UNC80: variants seen among roughly 807,000 people sequenced by gnomAD.
UNC80 encodes the protein unc-80 subunit of NALCN channel complex.
UNC80 carries 164 observed loss-of-function variants against 384.6 expected under a neutral mutation model. That is an observed-to-expected ratio of 0.43 (90% CI 0.38 to 0.49). The LOEUF is 0.49. Among genes scored for constraint, UNC80 ranks in the 20% least tolerant of loss-of-function variants. The pLI is 0.00. For synonymous variants in UNC80, 1,486 were observed against 1,527.8 expected (o/e 0.97, Z 0.64); for missense variants, 3,330 against 4,143.0 (o/e 0.80, Z 5.39).
At chr2:209,956,936 G>A (rs1159554903) in intron 48 of UNC80, among the ~76,000 whole-genome samples, 1 of 152,196 alleles carries the variant, frequency 6.6e-6, no homozygotes, top group Non-Finnish European at 1.5e-5. Context: ...CAGACAGAAA[G>A]TGAGCAACAA....
At chr2:209,893,619 T>G (rs2086553064) in intron 26 of UNC80, among the ~76,000 whole-genome samples, 1 of 152,182 alleles carries the variant, frequency 6.6e-6, no homozygotes, top group South Asian at 2.1e-4. Context: ...TGGAGCCATT[T>G]CACACTCATG....
At chr2:209,814,321 C>A (rs1454645902) in intron 8 of UNC80, among the ~76,000 whole-genome samples, 1 of 151,982 alleles carries the variant, frequency 6.6e-6, no homozygotes, top group African/African-American at 2.4e-5. Context: ...CTGCAAGCTC[C>A]GCCTACCGGG....
chr2:209,987,930 T>C lies in UNC80; in HGVS notation c.9314+3018T>C, dbSNP rs185229683. 6.6e-5 allele frequency among the ~76,000 whole-genome samples: 10 copies of C among 152,212 alleles called. No individual in the cohort carries two copies. The East Asian group carries it at 1.9e-3, about 29-fold the overall frequency. On this transcript the variant is annotated intron_variant, in intron 61 of 64. Transcript: ENST00000673920. ...CTGAGAATTAATGACTAAGAAAATA[T>C]GTTGTGATACACAGATATCTACTTT...
At position 209,819,224 on chromosome 2, in the gene UNC80, A is replaced by G. The variant is rs991294484; in HGVS notation, c.1925A>G (p.Asn642Ser). 4 of 1,551,506 alleles carry G rather than the reference A, an allele frequency of 2.6e-6. No individual in the cohort carries two copies. Among genetic ancestry groups the G allele is most frequent in the African/African-American group, 1.4e-5 (1 of 73,052 alleles). Residue 642 changes from asparagine (N) to serine (S), a missense_variant, in exon 12 of 65, where the codon AAT becomes AGT. Asn to Ser is a conservative substitution (Grantham distance 46). Around this residue, in one of 8 missense-constraint regions of UNC80, gnomAD observed 937 missense variants for 1,026.8 expected, o/e 0.91. Coordinates refer to ENST00000673920, the MANE Select transcript of UNC80 (RefSeq NM_001371986.1). ...GACACAGAACATATTGACGGGACCA[A>G]TAACTTTGTCCACAAGAATGGAATG... ...LEDTEHIDGT[N>S]NFVHKNGMLD...
At chr2:209,858,584 C>A (rs1171887289) in intron 22 of UNC80, among the ~76,000 whole-genome samples, 1 of 151,622 alleles carries the variant, frequency 6.6e-6, no homozygotes, top group African/African-American at 2.4e-5. Flanking sequence ...ATCCCAGCTT[C>A]TTGGGAGGCA....
intron 22 of UNC80, among the ~76,000 whole-genome samples, chr2:209,870,238 C>T (rs2084179006): frequency 6.6e-6 from 1 of 152,130 alleles, no homozygotes. Flanking sequence ...TTTATATTGG[C>T]AATGTGTCAT....
intron 26 of UNC80, among the ~76,000 whole-genome samples, chr2:209,892,067 T>G (rs2086389506): frequency 6.6e-6 from 1 of 152,180 alleles, no homozygotes; most frequent in Admixed American, 6.5e-5. Context: ...AATTTTGTTT[T>G]AAGTGCATTA....
At chr2:209,840,764 C>T in intron 20 of UNC80, 116 bp downstream of exon 20, 2 of 779,396 alleles carry the variant, frequency 2.6e-6, no homozygotes, top group South Asian at 4.0e-5. Context: ...AAGAAACTCT[C>T]CAGATGAGCT....
chr2:209,877,663 A>C (rs2084902106), intron 23 of UNC80, among the ~76,000 whole-genome samples: 1 of 152,226 alleles, frequency 6.6e-6, no homozygotes, highest in South Asian at 2.1e-4. Flanking sequence ...TATAAAATAA[A>C]TAACCTTTGA....
At chr2:209,843,476 C>G (rs2081920048) in intron 21 of UNC80, among the ~76,000 whole-genome samples, 1 of 151,804 alleles carries the variant, frequency 6.6e-6, no homozygotes, top group South Asian at 2.1e-4. Flanking sequence ...AGTCACTCCC[C>G]CAGGAAGGAA....
intron 8 of UNC80, 33 bp downstream of exon 8, chr2:209,813,874 C>T: frequency 6.5e-7 from 1 of 1,542,068 alleles, no homozygotes; most frequent in African/African-American, 1.4e-5. Context: ...TCATTCAAAC[C>T]AGCAACTTTG....
chr2:209,954,507 C>A, intron 48 of UNC80: 2 of 315,116 alleles, frequency 6.3e-6, no homozygotes, highest in Non-Finnish European at 1.1e-5. Flanking sequence ...TTCTTACTAT[C>A]ATTGCTAAAC....
chr2:209,855,784 T>C (rs957220174), intron 22 of UNC80, among the ~76,000 whole-genome samples: 2 of 152,026 alleles, frequency 1.3e-5, no homozygotes, highest in Non-Finnish European at 2.9e-5. Context: ...TTTAACATTA[T>C]GTTTGAGTTC....
chr2:209,879,452 C>T (rs2085082036), intron 24 of UNC80, among the ~76,000 whole-genome samples: 1 of 152,148 alleles, frequency 6.6e-6, no homozygotes, highest in Non-Finnish European at 1.5e-5. Flanking sequence ...CTAGGTAGAA[C>T]TCAATCCTTG....
At chr2:209,921,725 T>G in intron 34 of UNC80, 39 bp downstream of exon 34, 1 of 1,504,728 alleles carries the variant, frequency 6.6e-7, no homozygotes, top group Non-Finnish European at 8.9e-7. Context: ...GGGCTGAGTC[T>G]CAGGGAAATA....
chr2:209,808,756 G>C (rs373760236), intron 7 of UNC80: 1 of 241,048 alleles, frequency 4.1e-6, no homozygotes, highest in Non-Finnish European at 8.1e-6. Flanking sequence ...TGAGTGGGTC[G>C]CCTGCGCTAC....
rs956086398 is a variant in UNC80, at chr2:209,973,055, G to A, written c.8381-9G>A. 1.3e-5 allele frequency: 20 copies of A among 1,551,018 alleles called. No individual in the cohort carries two copies. Among genetic ancestry groups the A allele is most frequent in the Admixed American group, 9.8e-5 (5 of 50,950 alleles). Reference sequence around the variant, plus strand: ...TTTCCACTTCCGTCTTCCAAATTCTGCCCCTCAGATAGCCCATGGCTGGAG... The same window carrying A: ...TTTCCACTTCCGTCTTCCAAATTCTACCCCTCAGATAGCCCATGGCTGGAG... On this transcript the variant is annotated splice_polypyrimidine_tract_variant and intron_variant, in intron 55 of 64. Transcript: ENST00000673920.
intron 47 of UNC80, among the ~76,000 whole-genome samples, chr2:209,950,898 T>G (rs909147322): frequency 1.3e-5 from 2 of 151,846 alleles, no homozygotes; most frequent in African/African-American, 4.8e-5. Flanking sequence ...TCAGGCCAGG[T>G]GCAGTGGCTC....
At chr2:209,934,114 C>T in intron 39 of UNC80, 109 bp downstream of exon 39, 2 of 1,091,216 alleles carry the variant, frequency 1.8e-6, no homozygotes, top group Non-Finnish European at 2.5e-6. Context: ...AGAGTTCTAA[C>T]CCCCAGTATT....
Sources: gnomAD v4.1 joint callset for allele counts (sites outside exome capture counted in the v4.1 genomes callset) on GRCh38, gnomAD v4.1.1 for gene constraint, gnomAD v4.1.1 regional missense constraint, MANE v1.5 for transcripts, NCBI Gene and HGNC (gene_info 2026-07-23, HGNC 2026-07-21) for gene names.